AFG1L: variants seen among roughly 807,000 people sequenced by gnomAD.
AFG1L encodes the protein AFG1 like ATPase.
Under a neutral mutation model 62.2 loss-of-function variants are expected in AFG1L, and 53 were observed. The observed-to-expected ratio is 0.85, with a 90% CI of 0.68 to 1.07. The LOEUF (loss-of-function observed/expected upper bound fraction) is 1.07, where lower values mean the gene tolerates loss of function less well. Ranked by LOEUF, AFG1L falls within the 50% of genes least tolerant of loss-of-function variation. The probability of loss-of-function intolerance (pLI) is 0.00; values close to 1 mark genes in which losing one functional copy is unlikely to be tolerated. For missense variants in AFG1L, 555 were observed against 590.5 expected (o/e 0.94, Z 0.62); for synonymous variants, 228 against 210.3 (o/e 1.08, Z -0.73).
chr6:108,345,653 A>AT (rs574604628), intron 2 of AFG1L, among the ~76,000 whole-genome samples: 187 of 145,684 alleles, frequency 1.3e-3, no homozygotes, highest in South Asian at 5.7e-3. Flanking sequence ...TATTTTTGAG[A>AT]TTTTTTTTTT....
At chr6:108,438,612 AT>A (rs1015590400) in intron 7 of AFG1L, among the ~76,000 whole-genome samples, 8 of 152,168 alleles carry the variant, frequency 5.3e-5, no homozygotes, top group Non-Finnish European at 1.0e-4. Context: ...TTTAAAAAAA[AT>A]ATTGCCTTGC....
intron 10 of AFG1L, among the ~76,000 whole-genome samples, chr6:108,506,645 T>C (rs1774432143): frequency 6.6e-6 from 1 of 152,232 alleles, no homozygotes; most frequent in Non-Finnish European, 1.5e-5. Flanking sequence ...AGTGCTGAGA[T>C]TACAGGCGTG....
intron 6 of AFG1L, among the ~76,000 whole-genome samples, chr6:108,388,558 G>C (rs867106347): frequency 7.2e-5 from 11 of 152,182 alleles, no homozygotes; most frequent in Middle Eastern, 6.3e-3. Context: ...ATGTGTCCCA[G>C]AGATTCTGGT....
chr6:108,473,797 G>C (rs1772998223), intron 8 of AFG1L, among the ~76,000 whole-genome samples: 3 of 152,092 alleles, frequency 2.0e-5, no homozygotes, highest in Admixed American at 2.0e-4. Flanking sequence ...GACCTCAGAT[G>C]ATTCGCCCAC....
chr6:108,348,370 G>A lies in AFG1L; in HGVS notation c.415+1331G>A, dbSNP rs371813702. On this transcript the variant is annotated intron_variant, in intron 3 of 12. Transcript: ENST00000368977. ...TGGGATTACAGGCATGAGCCATGGCGCCCAGCCAAATAAGTAGTTTTAATG... is the reference window on the plus strand; with the variant it reads ...TGGGATTACAGGCATGAGCCATGGCACCCAGCCAAATAAGTAGTTTTAATG... 1.2e-4 allele frequency among the ~76,000 whole-genome samples: 18 copies of A among 152,330 alleles called. 1 individual carries two copies. The South Asian group carries it at 1.7e-3, about 14-fold the overall frequency.
chr6:108,415,990 C>T (rs1770248661), intron 7 of AFG1L, among the ~76,000 whole-genome samples: 1 of 152,176 alleles, frequency 6.6e-6, no homozygotes, highest in Admixed American at 6.5e-5. Context: ...AGGCAACCTA[C>T]AGAATGGGAG....
At chr6:108,316,111 G>A (rs1777580660) in intron 1 of AFG1L, among the ~76,000 whole-genome samples, 1 of 152,042 alleles carries the variant, frequency 6.6e-6, no homozygotes, top group Admixed American at 6.5e-5. Context: ...GCCGGGCGCG[G>A]TGGCTGACGC....
intron 6 of AFG1L, among the ~76,000 whole-genome samples, chr6:108,369,374 GAATGACAGAAC>G (rs1779893642): frequency 6.6e-6 from 1 of 152,150 alleles, no homozygotes; most frequent in Admixed American, 6.5e-5. Context: ...CATGGATAGT[GAATGACAGAAC>G]AAAGACTAGA....
At chr6:108,522,270 A>AT (rs768351929) in intron 12 of AFG1L, 27 bp from the exon 13 acceptor site, 2 of 1,605,428 alleles carry the variant, frequency 1.2e-6, no homozygotes, top group East Asian at 4.5e-5. Flanking sequence ...TGATAGCTTT[A>AT]TTTTAATTTC....
intron 6 of AFG1L, among the ~76,000 whole-genome samples, chr6:108,382,006 T>G (rs901579846): frequency 2.7e-5 from 4 of 150,064 alleles, no homozygotes; most frequent in Non-Finnish European, 5.9e-5. Context: ...TGTTTTTTTT[T>G]TTTTTTTTTT....
intron 7 of AFG1L, among the ~76,000 whole-genome samples, chr6:108,402,820 G>A (rs1469900328): frequency 6.6e-6 from 1 of 152,004 alleles, no homozygotes; most frequent in Non-Finnish European, 1.5e-5. Context: ...TTCTAGAATA[G>A]CATTATTACA....
At chr6:108,460,892 G>A (rs1302692741) in intron 8 of AFG1L, among the ~76,000 whole-genome samples, 1 of 152,170 alleles carries the variant, frequency 6.6e-6, no homozygotes, top group Non-Finnish European at 1.5e-5. Flanking sequence ...GGAAGGCGGA[G>A]CTTGCAGTGA....
chr6:108,299,279 A>T (rs1423462755), intron 1 of AFG1L, among the ~76,000 whole-genome samples: 1 of 152,052 alleles, frequency 6.6e-6, no homozygotes, highest in African/African-American at 2.4e-5. Context: ...AAAAAAAAAA[A>T]AATAAATTAA....
intron 10 of AFG1L, among the ~76,000 whole-genome samples, chr6:108,483,145 A>C (rs1385484753): frequency 6.6e-6 from 1 of 152,164 alleles, no homozygotes; most frequent in Non-Finnish European, 1.5e-5. Flanking sequence ...ATTTTCTATT[A>C]ATCCAGATAT....
intron 10 of AFG1L, among the ~76,000 whole-genome samples, chr6:108,497,525 C>G (rs2114867578): frequency 6.6e-6 from 1 of 151,964 alleles, no homozygotes; most frequent in Admixed American, 6.6e-5. Flanking sequence ...CCCTGCATTT[C>G]TCTGCTTGTA....
chr6:108,441,701 TA>T lies in AFG1L; in HGVS notation c.808-5501del, dbSNP rs33913085. On this transcript the variant is annotated intron_variant, in intron 7 of 12. Coordinates refer to ENST00000368977, the MANE Select transcript of AFG1L (RefSeq NM_145315.5). The stretch of plus-strand genomic sequence containing the variant: ...GAAATCTGAAAATCTGAGGTTTATT[TA>T]AAAAAAAAAAATATATATATATATA... Among the ~76,000 whole-genome samples the T allele has an allele frequency of 8.2e-3, 1,165 of 141,774 alleles. 4 individuals carry two copies. The highest frequency in any genetic ancestry group is 0.018 in the African/African-American group (694 of 37,878). The allele number at this position is 141,774 out of a possible 152,430, so 93.0% of individuals were successfully genotyped here.
intron 7 of AFG1L, among the ~76,000 whole-genome samples, chr6:108,446,571 C>T (rs1225710494): frequency 6.8e-6 from 1 of 146,146 alleles, no homozygotes; most frequent in Non-Finnish European, 1.5e-5. Flanking sequence ...GTGGCACGAT[C>T]ATAGCTCATT....
intron 7 of AFG1L, among the ~76,000 whole-genome samples, chr6:108,432,281 C>T (rs1480698943): frequency 6.6e-6 from 1 of 152,042 alleles, no homozygotes; most frequent in Non-Finnish European, 1.5e-5. Context: ...TCTCACCACC[C>T]AGGACTTCTT....
At chr6:108,511,090 A>G (rs1298361700) in intron 11 of AFG1L, among the ~76,000 whole-genome samples, 5 of 124,388 alleles carry the variant, frequency 4.0e-5, no homozygotes, top group Admixed American at 3.9e-4. Context: ...CCTATCTCTC[A>G]AAAAAAAAAA....
Sources: gnomAD v4.1 joint callset for allele counts (sites outside exome capture counted in the v4.1 genomes callset) on GRCh38, gnomAD v4.1.1 for gene constraint, MANE v1.5 for transcripts, NCBI Gene and HGNC (gene_info 2026-07-23, HGNC 2026-07-21) for gene names.